Variants in DSCAM observed in about 807,000 individuals in gnomAD.
The protein encoded by DSCAM is DS cell adhesion molecule, also known as cell adhesion molecule DSCAM.
In DSCAM, 47 loss-of-function variants were observed where a neutral mutation model predicts 217.7. The ratio of observed to expected loss-of-function variants is 0.22; its 90% CI spans 0.17 to 0.28. The LOEUF (loss-of-function observed/expected upper bound fraction) is 0.28, where lower values mean the gene tolerates loss of function less well. Ranked by LOEUF, DSCAM falls within the 10% of genes least tolerant of loss-of-function variation. The probability of loss-of-function intolerance (pLI) is 1.00; values close to 1 mark genes in which losing one functional copy is unlikely to be tolerated. For synonymous variants in DSCAM, 1,056 were observed against 1,015.3 expected (o/e 1.04, Z -0.76); for missense variants, 2,080 against 2,618.3 (o/e 0.79, Z 4.49).
chr21:40,167,031 A>T (rs2090602653), intron 16 of DSCAM, among the ~76,000 whole-genome samples, 187 bp downstream of exon 16: 1 of 152,128 alleles, frequency 6.6e-6, no homozygotes, highest in African/African-American at 2.4e-5. Context: ...TGAGACACAG[A>T]ATTTGCTGTA....
At chr21:40,498,634 A>ATG (rs2076138655) in intron 3 of DSCAM, among the ~76,000 whole-genome samples, 1 of 129,674 alleles carries the variant, frequency 7.7e-6, no homozygotes, top group South Asian at 2.6e-4. Context: ...CACTATGTAT[A>ATG]TATATATATA....
At chr21:40,561,279 A>G (rs1192511319) in intron 3 of DSCAM, among the ~76,000 whole-genome samples, 2 of 152,218 alleles carry the variant, frequency 1.3e-5, no homozygotes, top group Non-Finnish European at 2.9e-5. Context: ...GCCTGCACCC[A>G]GCACCCCCTG....
intron 3 of DSCAM, among the ~76,000 whole-genome samples, chr21:40,507,680 C>T (rs914864710): frequency 5.9e-5 from 9 of 152,080 alleles, no homozygotes; most frequent in Non-Finnish European, 1.2e-4. Context: ...GTCCCAGCTA[C>T]TCGGGAGGCT....
intron 11 of DSCAM, among the ~76,000 whole-genome samples, chr21:40,261,652 T>C (rs200615687): frequency 0.014 from 1,821 of 133,482 alleles, 43 homozygotes; most frequent in African/African-American, 0.055. Context: ...TCTCTCTCTC[T>C]ACACACACAC....
At position 40,132,526 on chromosome 21, in the gene DSCAM, C is replaced by T. The variant is rs144688113; in HGVS notation, c.3562+1328G>A. Among the ~76,000 whole-genome samples the T allele has an allele frequency of 8.5e-5, 13 of 152,276 alleles. No individual in the cohort carries two copies. In the East Asian group the frequency reaches 2.3e-3, roughly 27 times the overall value. ...TTCTTAGAGCAGAACTGGCTGACAC[C>T]TGCACATTCCCTGGAAGGACTACCT... On this transcript the variant is annotated intron_variant, in intron 19 of 32. Transcript: ENST00000400454.
At chr21:40,124,357 G>T in intron 19 of DSCAM, 29 bp from the exon 20 acceptor site, 1 of 1,612,190 alleles carries the variant, frequency 6.2e-7, no homozygotes, top group Non-Finnish European at 8.5e-7. Flanking sequence ...TAGTCACAAG[G>T]TGGGGCCTCA....
At chr21:40,156,080 T>C (rs1433212181) in intron 16 of DSCAM, among the ~76,000 whole-genome samples, 1 of 150,014 alleles carries the variant, frequency 6.7e-6, no homozygotes, top group African/African-American at 2.4e-5. Flanking sequence ...TATATTATAT[T>C]TAATAATATA....
intron 1 of DSCAM, among the ~76,000 whole-genome samples, chr21:40,763,439 AAG>A (rs1176783639): frequency 6.6e-6 from 1 of 152,204 alleles, no homozygotes; most frequent in Non-Finnish European, 1.5e-5. Context: ...TCAAAGAAAA[AAG>A]AGGGGACACA....
At chr21:40,604,128 A>AT (rs899240389) in intron 3 of DSCAM, among the ~76,000 whole-genome samples, 8 of 148,452 alleles carry the variant, frequency 5.4e-5, no homozygotes, top group Middle Eastern at 3.6e-3. Flanking sequence ...TTTTCCATTC[A>AT]TTTTTTTTCT....
intron 3 of DSCAM, among the ~76,000 whole-genome samples, chr21:40,373,801 T>C (rs894494913): frequency 2.0e-5 from 3 of 152,234 alleles, no homozygotes; most frequent in Non-Finnish European, 4.4e-5. Context: ...TGGAAGCCAG[T>C]GGATCTGAAC....
At chr21:40,273,248 A>T (rs1300284090) in intron 11 of DSCAM, among the ~76,000 whole-genome samples, 1 of 152,064 alleles carries the variant, frequency 6.6e-6, no homozygotes, top group Non-Finnish European at 1.5e-5. Flanking sequence ...TTTAATTTTC[A>T]TGATAACTCT....
At chr21:40,168,909 T>A in intron 15 of DSCAM, among the ~76,000 whole-genome samples, 1 of 152,172 alleles carries the variant, frequency 6.6e-6, no homozygotes, top group East Asian at 1.9e-4. Context: ...TCCATTTCTC[T>A]CTATATATAA....
At chr21:40,335,464 A>G (rs926031955) in intron 8 of DSCAM, among the ~76,000 whole-genome samples, 1 of 152,184 alleles carries the variant, frequency 6.6e-6, no homozygotes, top group African/African-American at 2.4e-5. Context: ...CTTCAAAAGG[A>G]TTAAGATGAA....
chr21:40,470,355 G>C (rs1349676677), intron 3 of DSCAM, among the ~76,000 whole-genome samples: 4 of 152,218 alleles, frequency 2.6e-5, no homozygotes, highest in Non-Finnish European at 2.9e-5. Flanking sequence ...GTATGCCACG[G>C]AAACGTGGCA....
intron 4 of DSCAM, among the ~76,000 whole-genome samples, chr21:40,358,679 A>C (rs8127442): frequency 0.73 from 110,922 of 151,562 alleles, 41,037 homozygotes; most frequent in African/African-American, 0.83. Context: ...TGGTGGCATG[A>C]GCCTGTAATC....
At chr21:40,150,563 A>C (rs2090414036) in intron 16 of DSCAM, among the ~76,000 whole-genome samples, 1 of 152,212 alleles carries the variant, frequency 6.6e-6, no homozygotes, top group Non-Finnish European at 1.5e-5. Flanking sequence ...CCTGTGGTTC[A>C]GGTTTTCGAA....
chr21:40,143,090 T>G (rs573683625), intron 17 of DSCAM, among the ~76,000 whole-genome samples: 36 of 152,338 alleles, frequency 2.4e-4, no homozygotes, highest in African/African-American at 8.4e-4. Context: ...ATTTACTTTA[T>G]AGAGTACGGT....
chr21:40,806,474 A>T (rs1205821219), intron 1 of DSCAM, among the ~76,000 whole-genome samples: 1 of 152,228 alleles, frequency 6.6e-6, no homozygotes, highest in East Asian at 1.9e-4. Flanking sequence ...GTTGCTACAC[A>T]AGCGTCTTTG....
chr21:40,276,275 G>T lies in DSCAM; in HGVS notation c.2183-5C>A. The T allele has an allele frequency of 6.3e-7, 1 of 1,581,180 alleles. No individual in the cohort carries two copies. Among genetic ancestry groups the T allele is most frequent in the East Asian group, 2.2e-5 (1 of 44,520 alleles). On this transcript the variant is annotated splice_polypyrimidine_tract_variant and splice_region_variant and intron_variant, in intron 10 of 32. Transcript: ENST00000400454. ...GGAACTGGGGAACCCCAGCACCTGA[G>T]ACAGAAAAAGAAAGACGAGCAATGA...
Sources: allele counts gnomAD v4.1 joint callset (sites outside exome capture counted in the v4.1 genomes callset), GRCh38; gene constraint gnomAD v4.1.1; transcripts MANE v1.5; gene names NCBI Gene and HGNC (gene_info 2026-07-23, HGNC 2026-07-21).